Variants in ITGA11 observed in about 807,000 individuals in gnomAD.
ITGA11 encodes integrin alpha-11.
A neutral mutation model predicts 141.9 loss-of-function variants in ITGA11; 97 were observed. The observed-to-expected ratio is 0.68, with a 90% CI of 0.58 to 0.81. ITGA11 has a LOEUF of 0.81. ITGA11 is among the 30% of genes least tolerant of loss of function. The probability of loss-of-function intolerance (pLI) is 0.00; values close to 1 mark genes in which losing one functional copy is unlikely to be tolerated. For missense variants in ITGA11, 1,387 were observed against 1,559.2 expected (o/e 0.89, Z 1.86); for synonymous variants, 658 against 624.6 (o/e 1.05, Z -0.80).
At chr15:68,353,106 C>T (rs1021038278) in intron 7 of ITGA11, among the ~76,000 whole-genome samples, 2 of 152,210 alleles carry the variant, frequency 1.3e-5, no homozygotes, top group African/African-American at 4.8e-5. Context: ...GTTAAAGAGC[C>T]ACACGGCTTT....
chr15:68,348,744 AT>A, intron 10 of ITGA11, 85 bp downstream of exon 10: 1 of 1,191,412 alleles, frequency 8.4e-7, no homozygotes. Flanking sequence ...GTGAAGGTGG[AT>A]GACAGATCCA....
Position 68,322,470 on chromosome 15 carries a change from T to C in ITGA11, c.2323-967A>G, listed in dbSNP as rs553307150. On this transcript the variant is annotated intron_variant, in intron 18 of 29. Coordinates refer to ENST00000315757, the MANE Select transcript of ITGA11 (RefSeq NM_001004439.2). This position sits in a 1 kb window ranked among gnomAD's most constrained non-coding sequence, Gnocchi z 5.6. Reference sequence around the variant, plus strand: ...TTAGTGACCCCAGAGGCGGGATCAATAGGAACCTGGAGGTTGTCGGGGCTG... The same window carrying C: ...TTAGTGACCCCAGAGGCGGGATCAACAGGAACCTGGAGGTTGTCGGGGCTG... Among the ~76,000 whole-genome samples the C allele has an allele frequency of 6.6e-6, 1 of 152,114 alleles. No homozygotes were observed. Among genetic ancestry groups the C allele is most frequent in the South Asian group, 2.1e-4 (1 of 4,808 alleles).
intron 23 of ITGA11, 132 bp from the exon 24 acceptor site, chr15:68,312,995 T>C (rs2140275164): frequency 6.3e-6 from 4 of 629,946 alleles, no homozygotes; most frequent in South Asian, 5.4e-5. Flanking sequence ...TTGTGTCGGC[T>C]GGGAGTGAGT....
In ITGA11 at chr15:68,308,685, G is replaced by A. The variant is rs1026911307; in HGVS notation, c.3175-989C>T. Reference sequence around the variant, plus strand: ...TTGAACCCGGGAGGCGGAGGTCGCAGTGAGCCGAGATCGTGCCACTGCACT... The same window carrying A: ...TTGAACCCGGGAGGCGGAGGTCGCAATGAGCCGAGATCGTGCCACTGCACT... On this transcript the variant is annotated intron_variant, in intron 26 of 29. Coordinates refer to ENST00000315757, the MANE Select transcript of ITGA11 (RefSeq NM_001004439.2). The surrounding 1 kb of genome is among the most constrained non-coding windows in gnomAD (Gnocchi z 5.2). Among the ~76,000 whole-genome samples the A allele has an allele frequency of 3.9e-5, 6 of 152,094 alleles. No homozygotes were observed. Among genetic ancestry groups the A allele is most frequent in the African/African-American group, 1.4e-4 (6 of 41,428 alleles).
chr15:68,415,704 G>A (rs898513559), intron 1 of ITGA11, among the ~76,000 whole-genome samples: 1 of 152,114 alleles, frequency 6.6e-6, no homozygotes, highest in Non-Finnish European at 1.5e-5. Flanking sequence ...ATGCCCTCTC[G>A]AATGTTAAGC....
At chr15:68,409,447 C>T (rs555852773) in intron 1 of ITGA11, among the ~76,000 whole-genome samples, 1 of 152,086 alleles carries the variant, frequency 6.6e-6, no homozygotes, top group African/African-American at 2.4e-5. Context: ...CCTTAGTTTA[C>T]CTCCTAGCTC....
chr15:68,310,965 C>T (rs771754102), intron 26 of ITGA11, 29 bp downstream of exon 26: 1 of 1,557,974 alleles, frequency 6.4e-7, no homozygotes, highest in East Asian at 2.3e-5. Flanking sequence ...ACCCCAACCA[C>T]TGTGGCTCTC....
rs1893915880 is a variant in ITGA11 at position 68,324,664 on chromosome 15, G to A, written c.2322+467C>T. ...TCTTTTTGGAATGCTTAGGACCGCT[G>A]TCAGTCAGTTAAAACACTTCTTTTT... On this transcript the variant is annotated intron_variant, in intron 18 of 29. Coordinates refer to ENST00000315757, the MANE Select transcript of ITGA11 (RefSeq NM_001004439.2). This position sits in a 1 kb window ranked among gnomAD's most constrained non-coding sequence, Gnocchi z 6.3. Among the ~76,000 whole-genome samples the A allele has an allele frequency of 6.6e-6, 1 of 152,058 alleles. No individual in the cohort carries two copies. The highest frequency in any genetic ancestry group is 2.4e-5 in the African/African-American group (1 of 41,374).
chr15:68,325,280 G>T lies in ITGA11; in HGVS notation c.2212-39C>A, dbSNP rs780678132. 1.3e-5 allele frequency: 18 copies of T among 1,381,708 alleles called. No homozygotes were observed. The African/African-American group carries it at 1.7e-4, about 13-fold the overall frequency. 85.6% of individuals were successfully genotyped at this position (1,381,708 alleles called of 1,614,324 possible). A position where few individuals can be genotyped will look rare whatever the true frequency, so the allele number is the denominator to read the frequency against. ...ATGAGGGCAGCGGTGAGGGAGGAGA[G>T]AACGTCATTTTATGAGCCAGGACCG... On this transcript the variant is annotated intron_variant, in intron 17 of 29. Transcript: ENST00000315757. This position sits in a 1 kb window ranked among gnomAD's most constrained non-coding sequence, Gnocchi z 5.5.
At position 68,328,727 on chromosome 15, in the gene ITGA11, G is replaced by A. The variant is rs746828343; in HGVS notation, c.1902-465C>T. 1.3e-5 allele frequency among the ~76,000 whole-genome samples: 2 copies of A among 152,132 alleles called. No homozygotes were observed. Among genetic ancestry groups the A allele is most frequent in the South Asian group, 4.1e-4 (2 of 4,832 alleles). ...CTCTGAAATTTTCATATGTGTGCAC[G>A]CCCCCTGGGGATCATGTTAAAATGC... On this transcript the variant is annotated intron_variant, in intron 15 of 29. Coordinates refer to ENST00000315757, the MANE Select transcript of ITGA11 (RefSeq NM_001004439.2). This position sits in a 1 kb window ranked among gnomAD's most constrained non-coding sequence, Gnocchi z 4.8.
intron 7 of ITGA11, among the ~76,000 whole-genome samples, chr15:68,354,861 C>T (rs1895023120): frequency 6.6e-6 from 1 of 152,144 alleles, no homozygotes. Flanking sequence ...TTCATAGGTG[C>T]ATAGGAAAAA....
chr15:68,333,376 C>T lies in ITGA11; in HGVS notation c.1426-898G>A, dbSNP rs901504930. Among the ~76,000 whole-genome samples, 4 of 152,206 alleles carry T rather than the reference C, an allele frequency of 2.6e-5. No individual in the cohort carries two copies. The highest frequency in any genetic ancestry group is 9.7e-5 in the African/African-American group (4 of 41,442). On this transcript the variant is annotated intron_variant, in intron 12 of 29. Transcript: ENST00000315757. This position sits in a 1 kb window ranked among gnomAD's most constrained non-coding sequence, Gnocchi z 4.2. Reference sequence around the variant, plus strand: ...TCAGCCTCTCAAAGTGCTGGGATTACAGGTGTAAGCCACTGTTTTTAATTT... The same window carrying T: ...TCAGCCTCTCAAAGTGCTGGGATTATAGGTGTAAGCCACTGTTTTTAATTT...
Position 68,358,462 on chromosome 15 carries a change from A to G in ITGA11, c.596T>C (p.Ile199Thr), listed in dbSNP as rs1895137763. The change falls in exon 6 of 30, where the codon ATC (isoleucine) becomes ACC (threonine). Residue 199 changes from isoleucine (I) to threonine (T), a missense_variant. Ile to Thr is a moderately conservative substitution (Grantham distance 89, BLOSUM62 -1). Coordinates refer to ENST00000315757, the MANE Select transcript of ITGA11 (RefSeq NM_001004439.2). ...AAGAGCCCAAGAGATGCTCACCTGG[A>G]TCTGCCCTGGGCCAATGTAAAACTT... ...LKKFYIGPGQ[I>T]QVGVVQYGED... 1 of 1,609,150 alleles carries G rather than the reference A, an allele frequency of 6.2e-7. No homozygotes were observed. Among genetic ancestry groups the G allele is most frequent in the African/African-American group, 1.3e-5 (1 of 75,004 alleles).
At chr15:68,332,549 G>A (rs575041850) in intron 12 of ITGA11, 71 bp from the exon 13 acceptor site, 106 of 1,528,300 alleles carry the variant, frequency 6.9e-5, no homozygotes, top group Admixed American at 1.0e-4. Context: ...CTCGCCTCGC[G>A]GGCAGAGGGA....
rs1893166152 is a variant in ITGA11, at chr15:68,305,642, TC to T, written c.3381+1705del. 6.6e-6 allele frequency among the ~76,000 whole-genome samples: 1 copy of T among 152,156 alleles called. No individual in the cohort carries two copies. The highest frequency in any genetic ancestry group is 1.5e-5 in the Non-Finnish European group (1 of 68,026). On this transcript the variant is annotated intron_variant, in intron 28 of 29. Transcript: ENST00000315757. This position sits in a 1 kb window ranked among gnomAD's most constrained non-coding sequence, Gnocchi z 4.6. ...CTGTTCAACTTGAGGCAAGTCACTG[TC>T]CCTCCTGCCTCATCTCACATGCCTC... is the stretch of plus-strand genomic sequence containing the variant.
At chr15:68,395,287 A>T (rs1162548430) in intron 2 of ITGA11, among the ~76,000 whole-genome samples, 1 of 152,066 alleles carries the variant, frequency 6.6e-6, no homozygotes, top group Admixed American at 6.5e-5. Context: ...AGGATCGCAG[A>T]TCCTCACCAG....
At position 68,312,757 on chromosome 15, in the gene ITGA11, TC is replaced by T. The variant is rs779533158; in HGVS notation, c.2973+15del. The T allele has an allele frequency of 6.3e-7, 1 of 1,593,838 alleles. No individual in the cohort carries two copies. The highest frequency in any genetic ancestry group is 8.6e-7 in the Non-Finnish European group (1 of 1,163,004). On this transcript the variant is annotated intron_variant, in intron 24 of 29. Transcript: ENST00000315757. Reference sequence around the variant, plus strand: ...TCCCGTCCTTCCCCCTCTACCCGGCTCCCCTCCAGCCTCACCCTGAAGATGC... The same window carrying T: ...TCCCGTCCTTCCCCCTCTACCCGGCTCCCTCCAGCCTCACCCTGAAGATGC...
rs909081892 is a variant in ITGA11 at position 68,299,224 on chromosome 15, T to C, written c.*3835A>G. On this transcript the variant is annotated 3_prime_UTR_variant, in exon 30 of 30. Coordinates refer to ENST00000315757, the MANE Select transcript of ITGA11 (RefSeq NM_001004439.2). Reference sequence around the variant, plus strand: ...AAGGCTTACAATTCCCTCCTCATGCTAAATCAGCAAGGCTCCGTTCCTGTT... The same window carrying C: ...AAGGCTTACAATTCCCTCCTCATGCCAAATCAGCAAGGCTCCGTTCCTGTT... 2 of 152,204 alleles carry C rather than the reference T, an allele frequency of 1.3e-5. No individual in the cohort carries two copies. The highest frequency in any genetic ancestry group is 1.3e-4 in the Admixed American group (2 of 15,284). The allele number at this position is 152,204 out of a possible 1,614,324, so 9.4% of individuals were successfully genotyped here.
chr15:68,318,056 G>A (rs1418704069), intron 20 of ITGA11, among the ~76,000 whole-genome samples: 2 of 152,174 alleles, frequency 1.3e-5, no homozygotes, highest in African/African-American at 4.8e-5. Flanking sequence ...TGGCTGAGAG[G>A]GGTGCTTTCT....
Sources: gnomAD v4.1 joint callset for allele counts (sites outside exome capture counted in the v4.1 genomes callset) on GRCh38, gnomAD v4.1.1 for gene constraint, Gnocchi (gnomAD v3.1) non-coding constraint, MANE v1.5 for transcripts, NCBI Gene and HGNC (gene_info 2026-07-23, HGNC 2026-07-21) for gene names.